PARL: variants seen among roughly 807,000 people sequenced by gnomAD.
The protein encoded by PARL is presenilin associated rhomboid like.
In PARL, 44 loss-of-function variants were observed where a neutral mutation model predicts 51.6. That is an observed-to-expected ratio of 0.85 (90% CI 0.67 to 1.10). The LOEUF is 1.10. Among genes scored for constraint, PARL ranks in the 50% least tolerant of loss-of-function variants. PARL has a pLI of 0.00. For missense variants in PARL, 441 were observed against 469.5 expected (o/e 0.94, Z 0.56); for synonymous variants, 172 against 164.0 (o/e 1.05, Z -0.37).
At chr3:183,864,857 C>T (rs568116236) in intron 3 of PARL, among the ~76,000 whole-genome samples, 129 of 147,596 alleles carry the variant, frequency 8.7e-4, no homozygotes, top group African/African-American at 3.0e-3. Flanking sequence ...AGAGGGCCAT[C>T]GACTTGCATA....
At chr3:183,884,524 T>C (rs906469669) in intron 1 of PARL, among the ~76,000 whole-genome samples, 198 bp downstream of exon 1, 5 of 151,978 alleles carry the variant, frequency 3.3e-5, no homozygotes, top group African/African-American at 4.8e-5. Flanking sequence ...AAGCGCAGGC[T>C]CGCGGGGGGC....
chr3:183,882,222 A>AATATATATATATATATATATATATTT (rs1235101986), intron 1 of PARL, among the ~76,000 whole-genome samples: 1 of 46,104 alleles, frequency 2.2e-5, no homozygotes, highest in Admixed American at 3.5e-4. Context: ...AAAAAAAAAA[A>AATATATATATATATATATATATATTT]ATATATATAT....
chr3:183,882,222 AATATATATATATATATATATATTTATAT>A (rs1331476537), intron 1 of PARL, among the ~76,000 whole-genome samples: 5 of 46,104 alleles, frequency 1.1e-4, no homozygotes, highest in African/African-American at 2.4e-4. Context: ...AAAAAAAAAA[AATATATATATATATATATATATTTATAT>A]ATATATATAT....
At chr3:183,830,933 A>G (rs1161712592) in intron 9 of PARL, among the ~76,000 whole-genome samples, 1 of 152,196 alleles carries the variant, frequency 6.6e-6, no homozygotes, top group Admixed American at 6.5e-5. Flanking sequence ...ATTCTCCCCA[A>G]AAAAATCACT....
At chr3:183,872,275 T>C (rs1333451822) in intron 1 of PARL, among the ~76,000 whole-genome samples, 1 of 152,168 alleles carries the variant, frequency 6.6e-6, no homozygotes, top group Non-Finnish European at 1.5e-5. Flanking sequence ...GTGCTGGGAT[T>C]ACAGGCATGT....
At chr3:183,865,848 G>A (rs1175699686) in intron 3 of PARL, among the ~76,000 whole-genome samples, 2 of 151,554 alleles carry the variant, frequency 1.3e-5, no homozygotes, top group Non-Finnish European at 2.9e-5. Context: ...CCTCCACGCA[G>A]AAACATTAAC....
At chr3:183,839,562 G>A (rs1213863569) in intron 7 of PARL, among the ~76,000 whole-genome samples, 3 of 151,910 alleles carry the variant, frequency 2.0e-5, no homozygotes, top group Admixed American at 6.6e-5. Flanking sequence ...GGGATTACAA[G>A]CATGCACAAC....
intron 1 of PARL, chr3:183,879,655 T>C: frequency 1.6e-6 from 1 of 630,072 alleles, no homozygotes; most frequent in African/African-American, 2.0e-5. Context: ...TTAGATGTAG[T>C]ATGTTTATTA....
intron 4 of PARL, among the ~76,000 whole-genome samples, chr3:183,859,630 C>T (rs533137767): frequency 9.2e-5 from 14 of 152,280 alleles, no homozygotes; most frequent in Admixed American, 3.3e-4. Context: ...TGAGCCACTG[C>T]ACCCAGCTAG....
At chr3:183,860,922 T>A (rs1731752192) in intron 4 of PARL, among the ~76,000 whole-genome samples, 2 of 151,530 alleles carry the variant, frequency 1.3e-5, no homozygotes, top group African/African-American at 2.4e-5. Context: ...TTCAAGCAAT[T>A]CTGCTTCAGC....
intron 4 of PARL, among the ~76,000 whole-genome samples, chr3:183,853,847 A>C (rs1422296145): frequency 6.6e-6 from 1 of 152,242 alleles, no homozygotes. Flanking sequence ...GCGAGAATGT[A>C]AAATGGTACA....
intron 7 of PARL, among the ~76,000 whole-genome samples, chr3:183,835,740 G>A (rs896028630): frequency 1.3e-5 from 2 of 151,988 alleles, no homozygotes; most frequent in African/African-American, 4.8e-5. Flanking sequence ...GGTGGTGGGC[G>A]CCTGTAGTCC....
intron 1 of PARL, among the ~76,000 whole-genome samples, chr3:183,878,849 C>T (rs747342075): frequency 1.3e-5 from 2 of 152,130 alleles, no homozygotes; most frequent in African/African-American, 4.8e-5. Context: ...GGTTTTCACA[C>T]GTTTAAAGAG....
At chr3:183,865,222 T>A (rs1026266340) in intron 3 of PARL, among the ~76,000 whole-genome samples, 3 of 152,106 alleles carry the variant, frequency 2.0e-5, no homozygotes, top group Non-Finnish European at 4.4e-5. Flanking sequence ...GCGGGAGGAC[T>A]GCTCAAACCC....
chr3:183,884,873 C>A lies in PARL; in HGVS notation c.-27G>T, dbSNP rs1474078606. 1.3e-6 allele frequency: 2 copies of A among 1,596,112 alleles called. No homozygotes were observed. The highest frequency in any genetic ancestry group is 1.7e-6 in the Non-Finnish European group (2 of 1,179,236). ...TTCCCAACCTCTGCCCCACCATGGCCCGACCTTACCAACCCCAGCTGCGCA... is the reference window on the plus strand; with the variant it reads ...TTCCCAACCTCTGCCCCACCATGGCACGACCTTACCAACCCCAGCTGCGCA... On this transcript the variant is annotated 5_prime_UTR_variant, in exon 1 of 10. Coordinates refer to ENST00000317096, the MANE Select transcript of PARL (RefSeq NM_018622.7).
chr3:183,872,573 C>G (rs372936622), intron 1 of PARL, among the ~76,000 whole-genome samples: 1 of 152,156 alleles, frequency 6.6e-6, no homozygotes, highest in African/African-American at 2.4e-5. Flanking sequence ...AGTCTTATAA[C>G]GAATATCCTT....
intron 4 of PARL, among the ~76,000 whole-genome samples, chr3:183,850,487 A>C (rs1730425906): frequency 6.6e-6 from 1 of 152,218 alleles, no homozygotes; most frequent in African/African-American, 2.4e-5. Context: ...CAAAGACCCT[A>C]TTTCAAGTAA....
At chr3:183,875,776 C>T (rs1733735297) in intron 1 of PARL, among the ~76,000 whole-genome samples, 2 of 152,194 alleles carry the variant, frequency 1.3e-5, no homozygotes, top group Non-Finnish European at 2.9e-5. Flanking sequence ...ACAAAACAGC[C>T]TTCTATTGGA....
intron 4 of PARL, among the ~76,000 whole-genome samples, chr3:183,850,415 G>A (rs571208043): frequency 6.6e-6 from 1 of 152,224 alleles, no homozygotes; most frequent in South Asian, 2.1e-4. Context: ...ATAAGGACAT[G>A]AGTCAATGGA....
Sources: gnomAD v4.1 joint callset for allele counts (sites outside exome capture counted in the v4.1 genomes callset) on GRCh38, gnomAD v4.1.1 for gene constraint, MANE v1.5 for transcripts, NCBI Gene and HGNC (gene_info 2026-07-23, HGNC 2026-07-21) for gene names.